Variants in GLRA3 observed in about 807,000 individuals in gnomAD.
The protein encoded by GLRA3 is glycine receptor subunit alpha-3.
Under a neutral mutation model 60.4 loss-of-function variants are expected in GLRA3, and 44 were observed. The ratio of observed to expected loss-of-function variants is 0.73; its 90% confidence interval spans 0.57 to 0.94. The LOEUF is 0.94. GLRA3 is among the 40% of genes least tolerant of loss of function. GLRA3 has a pLI of 0.00. For missense variants in GLRA3, 508 were observed against 564.6 expected, an observed-to-expected ratio of 0.90 and a Z score of 1.02; for synonymous variants, 223 against 192.9, an observed-to-expected ratio of 1.16 and a Z score of -1.29.
chr4:174,715,432 A>G, intron 5 of GLRA3, 56 bp downstream of exon 5: 1 of 829,498 alleles, frequency 1.2e-6, no homozygotes, highest in Non-Finnish European at 2.1e-6. Flanking sequence ...AGGCATTAAA[A>G]GCTTGTATCT....
At chr4:174,769,037 A>G (rs1738272914) in intron 2 of GLRA3, among the ~76,000 whole-genome samples, 1 of 152,110 alleles carries the variant, frequency 6.6e-6, no homozygotes, top group Admixed American at 6.6e-5. Flanking sequence ...TGATCTTACA[A>G]GGTTTGCTAC....
chr4:174,763,573 A>G (rs1738019381), intron 3 of GLRA3, among the ~76,000 whole-genome samples: 1 of 152,192 alleles, frequency 6.6e-6, no homozygotes, highest in Non-Finnish European at 1.5e-5. Flanking sequence ...ATTTCTTTGC[A>G]TTGTTAGACC....
chr4:174,752,367 T>A (rs963028273), intron 3 of GLRA3, among the ~76,000 whole-genome samples: 1 of 151,978 alleles, frequency 6.6e-6, no homozygotes, highest in Non-Finnish European at 1.5e-5. Flanking sequence ...TTAAATTTCA[T>A]CTCATAAGCT....
chr4:174,637,967 T>A lies in GLRA3; in HGVS notation c.*5819A>T, dbSNP rs555522333. On this transcript the variant is annotated 3_prime_UTR_variant, in exon 10 of 10. Transcript: ENST00000274093. Reference sequence around the variant, plus strand: ...ACACTTACAATGCTCTCATGAATGGTTTAAATAAGAATAAAGCTAGTGATA... The same window carrying A: ...ACACTTACAATGCTCTCATGAATGGATTAAATAAGAATAAAGCTAGTGATA... The A allele has an allele frequency of 5.3e-5, 8 of 151,758 alleles. No individual in the cohort carries two copies. Among genetic ancestry groups the A allele is most frequent in the Non-Finnish European group, 1.0e-4 (7 of 67,996 alleles). 9.4% of individuals were successfully genotyped at this position (151,758 alleles called of 1,614,324 possible). A position where few individuals can be genotyped will look rare whatever the true frequency, so the allele number is the denominator to read the frequency against.
chr4:174,763,557 A>G (rs1738019203), intron 3 of GLRA3, among the ~76,000 whole-genome samples: 1 of 152,158 alleles, frequency 6.6e-6, no homozygotes, highest in Admixed American at 6.5e-5. Context: ...CTTTCTTTGC[A>G]TTTGCATTTC....
intron 3 of GLRA3, among the ~76,000 whole-genome samples, chr4:174,764,996 T>C (rs1738085620): frequency 6.6e-6 from 1 of 152,046 alleles, no homozygotes; most frequent in African/African-American, 2.4e-5. Flanking sequence ...TGAACAATGT[T>C]CATTGACACT....
At chr4:174,781,812 G>A (rs1337811524) in intron 2 of GLRA3, among the ~76,000 whole-genome samples, 5 of 152,110 alleles carry the variant, frequency 3.3e-5, no homozygotes, top group African/African-American at 7.2e-5. Flanking sequence ...CTGCAATTGT[G>A]GCAATAATCA....
chr4:174,642,270 T>C lies in GLRA3; in HGVS notation c.*1516A>G. 1.1e-6 allele frequency: 1 copy of C among 941,088 alleles called. No homozygotes were observed. The highest frequency in any genetic ancestry group is 1.3e-6 in the Non-Finnish European group (1 of 789,732). 58.3% of individuals were successfully genotyped at this position (941,088 alleles called of 1,614,324 possible). On this transcript the variant is annotated 3_prime_UTR_variant, in exon 10 of 10. Transcript: ENST00000274093. The stretch of plus-strand genomic sequence containing the variant: ...TTTTAATTTGAAAGTGGTTGAAGGG[T>C]AGAAAATAGCATCTTGTTAAAGAAC...
intron 1 of GLRA3, among the ~76,000 whole-genome samples, chr4:174,799,870 G>C (rs1267231228): frequency 6.6e-6 from 1 of 151,994 alleles, no homozygotes; most frequent in East Asian, 1.9e-4. Context: ...AAGTAAAAGA[G>C]AATTAACTTT....
rs887925424 is a variant in GLRA3 at position 174,806,547 on chromosome 4, A to G, written c.72-17604T>C. On this transcript the variant is annotated intron_variant, in intron 1 of 9. Coordinates refer to ENST00000274093, the MANE Select transcript of GLRA3 (RefSeq NM_006529.4). ...AAAGAGGATGGTTGTGTCTGTACTG[A>G]ATATGTAAAGGCTTTATTTCCTTGT... 3.3e-5 allele frequency among the ~76,000 whole-genome samples: 5 copies of G among 152,214 alleles called. No homozygotes were observed. In the East Asian group the frequency reaches 9.6e-4, roughly 29 times the overall value.
rs536492260 is a variant in GLRA3, at chr4:174,778,463, G to C, written c.199+10353C>G. 7.2e-5 allele frequency among the ~76,000 whole-genome samples: 11 copies of C among 152,134 alleles called. No individual in the cohort carries two copies. The East Asian group carries it at 9.7e-4, about 13-fold the overall frequency. On this transcript the variant is annotated intron_variant, in intron 2 of 9. Coordinates refer to ENST00000274093, the MANE Select transcript of GLRA3 (RefSeq NM_006529.4). ...GGTTGGTAAAAGAAAAAAAACACAG[G>C]GGGGATGAGCCAAGATGGCCGAATA...
At chr4:174,786,704 G>T (rs1313519886) in intron 2 of GLRA3, among the ~76,000 whole-genome samples, 1 of 152,128 alleles carries the variant, frequency 6.6e-6, no homozygotes, top group Non-Finnish European at 1.5e-5. Context: ...CTTTGCAAAA[G>T]ATGACAAAGC....
intron 3 of GLRA3, among the ~76,000 whole-genome samples, chr4:174,738,947 G>A (rs1736902530): frequency 6.6e-6 from 1 of 152,070 alleles, no homozygotes; most frequent in African/African-American, 2.4e-5. Flanking sequence ...TTTCTCTCAG[G>A]GACTATGCCC....
At chr4:174,826,909 G>A (rs1740994517) in intron 1 of GLRA3, among the ~76,000 whole-genome samples, 1 of 147,948 alleles carries the variant, frequency 6.8e-6, no homozygotes, top group Non-Finnish European at 1.5e-5. Flanking sequence ...ATCCTCTTTT[G>A]GGGGTCATCA....
At chr4:174,662,977 A>C (rs2110903034) in intron 7 of GLRA3, among the ~76,000 whole-genome samples, 1 of 152,188 alleles carries the variant, frequency 6.6e-6, no homozygotes, top group African/African-American at 2.4e-5. Context: ...TTAAATGGTA[A>C]ACTACAGGCG....
chr4:174,828,423 T>C (rs762757400), intron 1 of GLRA3, among the ~76,000 whole-genome samples: 7 of 152,214 alleles, frequency 4.6e-5, no homozygotes, highest in African/African-American at 4.8e-5. Context: ...ACCCAAATTA[T>C]ATAATTCACT....
In GLRA3 at chr4:174,774,165, G is replaced by C. The variant is rs144817448; in HGVS notation, c.200-7135C>G. Reference sequence around the variant, plus strand: ...AAAGAAGAAGTAGCAGCAAACAAGGGAGATTCATTACATATTGATTAAATA... The same window carrying C: ...AAAGAAGAAGTAGCAGCAAACAAGGCAGATTCATTACATATTGATTAAATA... On this transcript the variant is annotated intron_variant, in intron 2 of 9. Coordinates refer to ENST00000274093, the MANE Select transcript of GLRA3 (RefSeq NM_006529.4). 1.2e-3 allele frequency among the ~76,000 whole-genome samples: 189 copies of C among 152,242 alleles called. No homozygotes were observed. In the East Asian group the frequency reaches 0.022, roughly 18 times the overall value.
chr4:174,696,405 T>C (rs897434256), intron 5 of GLRA3, among the ~76,000 whole-genome samples: 1 of 150,606 alleles, frequency 6.6e-6, no homozygotes, highest in Non-Finnish European at 1.5e-5. Flanking sequence ...CTATGAAAGA[T>C]ATTGTAAAGT....
At chr4:174,707,427 T>A (rs890643714) in intron 5 of GLRA3, among the ~76,000 whole-genome samples, 1 of 152,174 alleles carries the variant, frequency 6.6e-6, no homozygotes, top group Non-Finnish European at 1.5e-5. Flanking sequence ...CTCAGATGAC[T>A]GTAGATGTGT....
Sources: allele counts gnomAD v4.1 joint callset (sites outside exome capture counted in the v4.1 genomes callset), GRCh38; gene constraint gnomAD v4.1.1; transcripts MANE v1.5; gene names NCBI Gene and HGNC (gene_info 2026-07-23, HGNC 2026-07-21).